The following PDE8A variants were observed in gnomAD, a reference collection of about 807,000 sequenced individuals.
PDE8A encodes the protein phosphodiesterase 8A.
PDE8A carries 59 observed loss-of-function variants against 105.0 expected under a neutral mutation model. The ratio of observed to expected loss-of-function variants is 0.56; its 90% CI spans 0.46 to 0.70. PDE8A has a LOEUF of 0.70. Ranked by LOEUF, PDE8A falls within the 30% of genes least tolerant of loss-of-function variation. PDE8A has a pLI of 0.00. For missense variants in PDE8A, 1,014 were observed against 1,045.9 expected (o/e 0.97, Z 0.42); for synonymous variants, 355 against 371.9 (o/e 0.95, Z 0.52).
At chr15:85,076,709 G>A (rs759658756) in intron 4 of PDE8A, 24 bp from the exon 5 acceptor site, 3 of 1,484,726 alleles carry the variant, frequency 2.0e-6, no homozygotes, top group Admixed American at 1.7e-5. Flanking sequence ...CTATGTCTAT[G>A]TTCTTTACTG....
At chr15:84,996,255 G>A (rs529132704) in intron 1 of PDE8A, among the ~76,000 whole-genome samples, 3 of 152,030 alleles carry the variant, frequency 2.0e-5, no homozygotes, top group Admixed American at 1.3e-4. Flanking sequence ...CAGCCTCACT[G>A]CAGCCTCAAA....
At chr15:85,122,203 T>C (rs1227236304) in intron 18 of PDE8A, among the ~76,000 whole-genome samples, 1 of 152,212 alleles carries the variant, frequency 6.6e-6, no homozygotes, top group Non-Finnish European at 1.5e-5. Context: ...AATAATTATT[T>C]TTAATGATTT....
chr15:85,031,779 C>T (rs2080619204), intron 1 of PDE8A, among the ~76,000 whole-genome samples: 3 of 152,216 alleles, frequency 2.0e-5, no homozygotes, highest in South Asian at 4.2e-4. Flanking sequence ...TTGGTGGTGA[C>T]GGCCTGATTA....
chr15:85,102,561 C>T (rs1169447449), intron 11 of PDE8A, among the ~76,000 whole-genome samples: 1 of 151,226 alleles, frequency 6.6e-6, no homozygotes, highest in African/African-American at 2.4e-5. Context: ...TACCATAGGG[C>T]TGGACGCAGT....
intron 1 of PDE8A, among the ~76,000 whole-genome samples, chr15:85,002,756 C>G (rs2080086776): frequency 6.6e-6 from 1 of 152,140 alleles, no homozygotes; most frequent in Non-Finnish European, 1.5e-5. Flanking sequence ...TTGTGGTTAT[C>G]TAGGGGCTTT....
intron 20 of PDE8A, among the ~76,000 whole-genome samples, chr15:85,132,147 A>G (rs2082338555): frequency 6.6e-6 from 1 of 151,962 alleles, no homozygotes; most frequent in Non-Finnish European, 1.5e-5. Context: ...TTTGGCCAAG[A>G]TTTTTTCAAA....
intron 1 of PDE8A, among the ~76,000 whole-genome samples, chr15:85,001,450 A>G (rs1033074293): frequency 3.3e-5 from 5 of 152,188 alleles, no homozygotes; most frequent in Admixed American, 6.6e-5. Flanking sequence ...CAGAGGATGG[A>G]GAGGTTCCTG....
chr15:85,005,548 CATT>C (rs1411928812), intron 1 of PDE8A, among the ~76,000 whole-genome samples: 1 of 152,142 alleles, frequency 6.6e-6, no homozygotes, highest in African/African-American at 2.4e-5. Context: ...CCTAAAAGAA[CATT>C]TTGAGAGAAT....
intron 1 of PDE8A, among the ~76,000 whole-genome samples, chr15:85,051,998 G>T (rs1444896800): frequency 6.7e-6 from 1 of 150,226 alleles, no homozygotes; most frequent in Non-Finnish European, 1.5e-5. Context: ...GCAGGCCCCG[G>T]TGTGTGATGT....
Position 85,137,797 on chromosome 15 carries a change from C to T in PDE8A, c.2384C>T (p.Ala795Val). 2 of 1,588,378 alleles carry T rather than the reference C, an allele frequency of 1.3e-6. No individual in the cohort carries two copies. The highest frequency in any genetic ancestry group is 2.2e-5 in the East Asian group (1 of 44,760). Residue 795 changes from alanine to valine, a missense_variant and splice_region_variant, in exon 22 of 22, where the codon GCC (alanine) becomes GTC (valine). Ala to Val is a moderately conservative substitution (Grantham distance 64). Coordinates refer to ENST00000394553, the MANE Select transcript of PDE8A (RefSeq NM_002605.3). ...ATCACATTCCTATCTTTCTCTCCAG[C>T]CTTTGTAGACCTGCCTGATTTAATG... ...FITDMFDAWD[A>V]FVDLPDLMQH...
chr15:85,104,141 C>T (rs1323408919), intron 11 of PDE8A, among the ~76,000 whole-genome samples: 1 of 152,224 alleles, frequency 6.6e-6, no homozygotes, highest in East Asian at 1.9e-4. Context: ...TTGACTTGTT[C>T]TAGGTCAGGC....
rs546194907 is a variant in PDE8A at position 85,119,468 on chromosome 15, C to CAAAA, written c.1735-1319_1735-1316dup. Among the ~76,000 whole-genome samples the CAAAA allele has an allele frequency of 5.2e-3, 304 of 58,548 alleles. 27 individuals carry two copies. Among genetic ancestry groups the CAAAA allele is most frequent in the African/African-American group, 0.019 (289 of 15,616 alleles). The allele number at this position is 58,548 out of a possible 152,430, so 38.4% of individuals were successfully genotyped here. A position where few individuals can be genotyped will look rare whatever the true frequency, so the allele number is the denominator to read the frequency against. ...GGGTGACAGAGCAAGACTCTCGTCT[C>CAAAA]AAAAAAAAAAAAACATTTATTGAAA... On this transcript the variant is annotated intron_variant, in intron 17 of 21. Coordinates refer to ENST00000394553, the MANE Select transcript of PDE8A (RefSeq NM_002605.3).
intron 1 of PDE8A, among the ~76,000 whole-genome samples, chr15:84,987,756 T>C (rs8023667): frequency 0.85 from 129,574 of 151,982 alleles, 55,421 homozygotes; most frequent in Non-Finnish European, 0.88. Context: ...GGATTACAGG[T>C]GTGAGCCACC....
intron 11 of PDE8A, among the ~76,000 whole-genome samples, chr15:85,106,459 G>C (rs1453134640): frequency 6.6e-6 from 1 of 151,392 alleles, no homozygotes; most frequent in East Asian, 1.9e-4. Flanking sequence ...CATGGTGGGT[G>C]AAGGTTTGTT....
chr15:85,066,919 A>G (rs1282853878), intron 2 of PDE8A, 95 bp from the exon 3 acceptor site: 15 of 901,426 alleles, frequency 1.7e-5, no homozygotes, highest in Non-Finnish European at 2.4e-5. Flanking sequence ...AGCCTGAGCA[A>G]CAGAGCAAGA....
At chr15:85,033,758 G>C (rs924799691) in intron 1 of PDE8A, among the ~76,000 whole-genome samples, 1 of 152,108 alleles carries the variant, frequency 6.6e-6, no homozygotes, top group Non-Finnish European at 1.5e-5. Flanking sequence ...CCAGCTGTTC[G>C]GGAGGCTGAG....
intron 20 of PDE8A, among the ~76,000 whole-genome samples, chr15:85,132,824 C>CTA (rs1193413929): frequency 7.5e-6 from 1 of 133,680 alleles, no homozygotes; most frequent in African/African-American, 3.4e-5. Context: ...CTGTCATTTC[C>CTA]TATAGTTCCT....
Position 85,138,664 on chromosome 15 carries a change from C to T in PDE8A, c.*761C>T, listed in dbSNP as rs1026331096. The T allele has an allele frequency of 6.6e-6, 1 of 152,384 alleles. No individual in the cohort carries two copies. The highest frequency in any genetic ancestry group is 2.1e-4 in the South Asian group (1 of 4,820). The allele number at this position is 152,384 out of a possible 1,614,324, so 9.4% of individuals were successfully genotyped here. A position where few individuals can be genotyped will look rare whatever the true frequency, so the allele number is the denominator to read the frequency against. On this transcript the variant is annotated 3_prime_UTR_variant, in exon 22 of 22. Coordinates refer to ENST00000394553, the MANE Select transcript of PDE8A (RefSeq NM_002605.3). ...TCTGATTGAGGCTAACTGGAAAAAG[C>T]TGGGGTCGTATTCTAAGTGCTAAAG...
Position 85,002,633 on chromosome 15 carries a change from C to G in PDE8A, c.186+20285C>G, listed in dbSNP as rs148675292. 2.5e-4 allele frequency among the ~76,000 whole-genome samples: 38 copies of G among 152,320 alleles called. No individual in the cohort carries two copies. The East Asian group carries it at 5.2e-3, about 21-fold the overall frequency. On this transcript the variant is annotated intron_variant, in intron 1 of 21. Transcript: ENST00000394553. ...CTCCACTTGATCTTAGCCAAAAGGC[C>G]GAGAAGCGATTCCCATTTCCTCTCA...
Sources: gnomAD v4.1 joint callset for allele counts (sites outside exome capture counted in the v4.1 genomes callset) on GRCh38, gnomAD v4.1.1 for gene constraint, MANE v1.5 for transcripts, NCBI Gene and HGNC (gene_info 2026-07-23, HGNC 2026-07-21) for gene names.